CDC42BPA: variants seen among roughly 807,000 people sequenced by gnomAD.
CDC42BPA encodes CDC42 binding protein kinase alpha, also known as serine/threonine-protein kinase MRCK alpha.
Under a neutral mutation model 223.5 loss-of-function variants are expected in CDC42BPA, and 80 were observed. The ratio of observed to expected loss-of-function variants is 0.36; its 90% CI spans 0.30 to 0.43. CDC42BPA has a LOEUF of 0.43. Among genes scored for constraint, CDC42BPA ranks in the 20% least tolerant of loss-of-function variants. The pLI is 1.00. For missense variants in CDC42BPA, 1,743 were observed against 2,099.9 expected (o/e 0.83, Z 3.32); for synonymous variants, 694 against 718.6 (o/e 0.97, Z 0.55).
At chr1:227,284,439 C>A (rs1006846442) in intron 1 of CDC42BPA, among the ~76,000 whole-genome samples, 1 of 152,022 alleles carries the variant, frequency 6.6e-6, no homozygotes, top group Non-Finnish European at 1.5e-5. Context: ...CATGTAAGTC[C>A]GTAAGCTTTA....
At chr1:227,205,476 G>A (rs955523294) in intron 3 of CDC42BPA, among the ~76,000 whole-genome samples, 7 of 151,714 alleles carry the variant, frequency 4.6e-5, no homozygotes, top group Admixed American at 3.9e-4. Flanking sequence ...ATTTTCTGTT[G>A]AGGATAAATA....
intron 23 of CDC42BPA, among the ~76,000 whole-genome samples, chr1:227,046,190 A>G (rs1672412179): frequency 6.7e-6 from 1 of 148,996 alleles, no homozygotes; most frequent in Non-Finnish European, 1.5e-5. Flanking sequence ...AAAAAAGCTA[A>G]AGAGATTTTG....
At chr1:227,106,935 G>A (rs958859408) in intron 14 of CDC42BPA, among the ~76,000 whole-genome samples, 2 of 152,146 alleles carry the variant, frequency 1.3e-5, no homozygotes, top group East Asian at 1.9e-4. Context: ...CTATCCTTAT[G>A]ACAGTACCAC....
chr1:227,121,131 T>C (rs1416714924), intron 11 of CDC42BPA, among the ~76,000 whole-genome samples: 2 of 152,196 alleles, frequency 1.3e-5, no homozygotes, highest in Non-Finnish European at 2.9e-5. Context: ...ATTGGGGATC[T>C]CTGCTCTAAG....
intron 3 of CDC42BPA, among the ~76,000 whole-genome samples, chr1:227,205,761 A>C (rs1186119175): frequency 1.3e-5 from 2 of 152,086 alleles, no homozygotes; most frequent in African/African-American, 4.8e-5. Context: ...GAAAGGTTTA[A>C]CTCTCAGCCC....
chr1:227,200,935 T>C (rs1671641266), intron 3 of CDC42BPA, among the ~76,000 whole-genome samples: 1 of 152,158 alleles, frequency 6.6e-6, no homozygotes. Context: ...ATATTCCTAA[T>C]TACAGGTGCA....
Position 227,091,867 on chromosome 1 carries a change from A to AT in CDC42BPA, c.2355+18dup, listed in dbSNP as rs770018871. 7.5e-7 allele frequency: 1 copy of AT among 1,336,940 alleles called. No individual in the cohort carries two copies. Among genetic ancestry groups the AT allele is most frequent in the South Asian group, 1.2e-5 (1 of 80,362 alleles). The allele number at this position is 1,336,940 out of a possible 1,614,324, so 82.8% of individuals were successfully genotyped here. A position where few individuals can be genotyped will look rare whatever the true frequency, so the allele number is the denominator to read the frequency against. ...ATCTAGCATGTACTACTCAATTAAT[A>AT]TGAGATTAAATCACTCACCTTATCA... On this transcript the variant is annotated intron_variant, in intron 16 of 36. Transcript: ENST00000366766.
chr1:227,220,282 T>TTTTATATA (rs748787987), intron 2 of CDC42BPA, among the ~76,000 whole-genome samples: 4,260 of 100,000 alleles, frequency 0.043, 118 homozygotes, highest in East Asian at 0.1. Flanking sequence ...AAAAGTCATG[T>TTTTATATA]TATATATATA....
intron 31 of CDC42BPA, among the ~76,000 whole-genome samples, chr1:227,025,008 C>T (rs1238379003): frequency 6.6e-6 from 1 of 152,150 alleles, no homozygotes; most frequent in African/African-American, 2.4e-5. Context: ...CGTGGGAGGC[C>T]GAGGCGGGCA....
intron 20 of CDC42BPA, among the ~76,000 whole-genome samples, chr1:227,071,336 G>T (rs138597739): frequency 2.0e-5 from 3 of 151,990 alleles, no homozygotes; most frequent in Admixed American, 6.6e-5. Context: ...AGTATTCAGT[G>T]ATGGCCTTTG....
intron 34 of CDC42BPA, chr1:227,010,917 C>T: frequency 7.3e-7 from 1 of 1,365,162 alleles, no homozygotes; most frequent in Non-Finnish European, 9.8e-7. Context: ...GGACAGAGCG[C>T]AGAGACGGGG....
chr1:227,171,962 T>C (rs1170327858), intron 5 of CDC42BPA, among the ~76,000 whole-genome samples: 2 of 152,210 alleles, frequency 1.3e-5, no homozygotes, highest in African/African-American at 4.8e-5. Context: ...ATTCGGTTCC[T>C]TTTTATCATT....
chr1:227,317,826 G>A lies in CDC42BPA; in HGVS notation c.-644C>T, dbSNP rs1444829283. ...GCTCGGAGCACGCCAAGTCTTGCCC[G>A]GAGGCGGCTTTTCGTTTCTCCTCCC... On this transcript the variant is annotated 5_prime_UTR_variant, in exon 1 of 37. Coordinates refer to ENST00000366766, the MANE Select transcript of CDC42BPA (RefSeq NM_001394014.1). 12 of 398,684 alleles carry A rather than the reference G, an allele frequency of 3.0e-5. No individual in the cohort carries two copies. The East Asian group carries it at 4.3e-4, about 14-fold the overall frequency. The allele number at this position is 398,684 out of a possible 1,614,324, so 24.7% of individuals were successfully genotyped here.
At chr1:227,011,614 A>G (rs1396934109) in intron 34 of CDC42BPA, among the ~76,000 whole-genome samples, 1 of 152,190 alleles carries the variant, frequency 6.6e-6, no homozygotes, top group African/African-American at 2.4e-5. Flanking sequence ...AAGCAGCCCA[A>G]GCTTATCTCC....
chr1:227,000,403 C>A (rs912464494), intron 35 of CDC42BPA, among the ~76,000 whole-genome samples: 14 of 152,072 alleles, frequency 9.2e-5, no homozygotes, highest in Non-Finnish European at 2.9e-5. Context: ...GTGCTCAGTT[C>A]AAAAAATAAT....
At chr1:227,048,217 A>G (rs1365947169) in intron 22 of CDC42BPA, among the ~76,000 whole-genome samples, 1 of 152,110 alleles carries the variant, frequency 6.6e-6, no homozygotes, top group Non-Finnish European at 1.5e-5. Flanking sequence ...CGAATGAAAT[A>G]TTTGTTCAAT....
chr1:227,001,510 G>A (rs1265438844), intron 35 of CDC42BPA, among the ~76,000 whole-genome samples: 1 of 152,284 alleles, frequency 6.6e-6, no homozygotes, highest in East Asian at 1.9e-4. Flanking sequence ...TTAAATCTTT[G>A]CAGTTTAGGG....
At chr1:227,247,056 C>G (rs1472776194) in intron 2 of CDC42BPA, among the ~76,000 whole-genome samples, 1 of 150,108 alleles carries the variant, frequency 6.7e-6, no homozygotes, top group Non-Finnish European at 1.5e-5. Flanking sequence ...TAAAAATTAG[C>G]CAGGGGTGGT....
intron 16 of CDC42BPA, among the ~76,000 whole-genome samples, chr1:227,082,737 A>AG (rs1022089898): frequency 1.3e-5 from 2 of 149,188 alleles, no homozygotes; most frequent in African/African-American, 4.9e-5. Context: ...AAAAAAAAAA[A>AG]AAAAGAATGT....
Sources: gnomAD v4.1 joint callset for allele counts (sites outside exome capture counted in the v4.1 genomes callset) on GRCh38, gnomAD v4.1.1 for gene constraint, MANE v1.5 for transcripts, NCBI Gene and HGNC (gene_info 2026-07-23, HGNC 2026-07-21) for gene names.